Variants in MRTFB observed in about 807,000 individuals in gnomAD.
MRTFB encodes myocardin-related transcription factor B.
Under a neutral mutation model 104.2 loss-of-function variants are expected in MRTFB, and 29 were observed. The ratio of observed to expected loss-of-function variants is 0.28; its 90% CI spans 0.21 to 0.38. The LOEUF is 0.38. Ranked by LOEUF, MRTFB falls within the 10% of genes least tolerant of loss-of-function variation. The pLI is 1.00. For synonymous variants in MRTFB, 535 were observed against 519.5 expected (o/e 1.03, Z -0.41); for missense variants, 1,270 against 1,341.6 (o/e 0.95, Z 0.83).
chr16:14,172,666 CACAGCCTGGAGGAATAA>C (rs1175037690), intron 3 of MRTFB, among the ~76,000 whole-genome samples: 1 of 152,098 alleles, frequency 6.6e-6, no homozygotes, highest in Non-Finnish European at 1.5e-5. Context: ...TTTATTCCTC[CACAGCCTGGAGGAATAA>C]ACAGAAAGTG....
At chr16:14,147,409 T>G (rs574669792) in intron 3 of MRTFB, among the ~76,000 whole-genome samples, 6 of 152,348 alleles carry the variant, frequency 3.9e-5, no homozygotes, top group South Asian at 2.1e-4. Flanking sequence ...TGAGGTATTC[T>G]CTTTCATAAT....
At chr16:13,997,693 T>C in the MRTFB span, among the ~76,000 whole-genome samples, 2 of 145,074 alleles carry the variant, frequency 1.4e-5, no homozygotes, top group African/African-American at 5.2e-5. Context: ...CTTGGAAGGC[T>C]GAGATAGGGG....
intron 13 of MRTFB, among the ~76,000 whole-genome samples, chr16:14,250,318 T>C (rs1430856371): frequency 1.3e-5 from 2 of 152,242 alleles, no homozygotes; most frequent in South Asian, 2.1e-4. Context: ...ATTAGTGGTA[T>C]AGAACGTGTT....
the MRTFB span, among the ~76,000 whole-genome samples, chr16:14,054,028 C>T: frequency 1.3e-5 from 2 of 152,092 alleles, no homozygotes; most frequent in Non-Finnish European, 2.9e-5. Flanking sequence ...GAGAAACCTC[C>T]TTACTGTTTG....
the MRTFB span, among the ~76,000 whole-genome samples, chr16:14,046,912 T>A: frequency 6.6e-6 from 1 of 152,218 alleles, no homozygotes; most frequent in African/African-American, 2.4e-5. Context: ...TATTGACTCA[T>A]TTAATCCTTA....
chr16:14,128,427 G>C (rs1485971886), intron 2 of MRTFB, among the ~76,000 whole-genome samples: 1 of 152,160 alleles, frequency 6.6e-6, no homozygotes, highest in Non-Finnish European at 1.5e-5. Flanking sequence ...TTACTTTGAT[G>C]ACCTATGATG....
At chr16:14,087,972 T>C (rs2034824381) in intron 2 of MRTFB, among the ~76,000 whole-genome samples, 1 of 152,234 alleles carries the variant, frequency 6.6e-6, no homozygotes, top group Non-Finnish European at 1.5e-5. Context: ...GGTGAATGAA[T>C]GCTTTGTGCC....
intron 3 of MRTFB, among the ~76,000 whole-genome samples, chr16:14,197,289 T>G (rs1425544065): frequency 6.6e-6 from 1 of 152,200 alleles, no homozygotes; most frequent in African/African-American, 2.4e-5. Context: ...TTTCTCTTCT[T>G]TAATGCAGCT....
At chr16:14,074,913 G>T (rs1408743856) in intron 1 of MRTFB, among the ~76,000 whole-genome samples, 1 of 152,208 alleles carries the variant, frequency 6.6e-6, no homozygotes, top group Non-Finnish European at 1.5e-5. Flanking sequence ...GAAACAAACT[G>T]CTTGGTGAAT....
intron 1 of MRTFB, among the ~76,000 whole-genome samples, chr16:14,071,820 C>A (rs944543030): frequency 1.3e-5 from 2 of 152,216 alleles, no homozygotes; most frequent in Non-Finnish European, 2.9e-5. Context: ...CTTCCCACCT[C>A]CCACTCCCCT....
intron 3 of MRTFB, among the ~76,000 whole-genome samples, chr16:14,189,939 G>A (rs939970958): frequency 5.3e-5 from 8 of 152,140 alleles, no homozygotes; most frequent in Non-Finnish European, 1.0e-4. Flanking sequence ...ATTAGCAAAC[G>A]CTGTAGGATT....
At chr16:14,231,949 G>T (rs2042288217) in intron 8 of MRTFB, among the ~76,000 whole-genome samples, 1 of 152,196 alleles carries the variant, frequency 6.6e-6, no homozygotes, top group Non-Finnish European at 1.5e-5. Context: ...GGTTATTCTT[G>T]TGTTATGCTG....
chr16:14,129,158 T>C (rs1344141756), intron 2 of MRTFB, among the ~76,000 whole-genome samples: 1 of 152,238 alleles, frequency 6.6e-6, no homozygotes, highest in Non-Finnish European at 1.5e-5. Flanking sequence ...TTCCAATCCA[T>C]TTAGGTCATT....
At chr16:14,228,351 C>T (rs7202172) in intron 8 of MRTFB, among the ~76,000 whole-genome samples, 16,316 of 152,146 alleles carry the variant, frequency 0.11, 1,898 homozygotes, top group African/African-American at 0.29. Flanking sequence ...CCAAGTTGGG[C>T]GGATCACAAG....
intron 3 of MRTFB, among the ~76,000 whole-genome samples, chr16:14,173,664 C>T (rs890622037): frequency 2.7e-5 from 4 of 150,192 alleles, no homozygotes; most frequent in African/African-American, 1.0e-4. Flanking sequence ...TGTCTTGTGC[C>T]TCATTCTCTC....
intron 15 of MRTFB, among the ~76,000 whole-genome samples, chr16:14,252,877 A>G (rs181386932): frequency 6.6e-6 from 1 of 152,168 alleles, no homozygotes; most frequent in African/African-American, 2.4e-5. Flanking sequence ...GACACATGGT[A>G]TCACTGTTAC....
chr16:14,234,369 T>TC lies in MRTFB; in HGVS notation c.831+88dup, dbSNP rs2042404207. ...TGTGAATGGAAGACAAAGGCATTTATCCAACTTGCTCAGCCTGCCTTTTAG... is the reference window on the plus strand; with the variant it reads ...TGTGAATGGAAGACAAAGGCATTTATCCCAACTTGCTCAGCCTGCCTTTTAG... On this transcript the variant is annotated intron_variant, in intron 9 of 16. Transcript: ENST00000571589. The TC allele has an allele frequency of 2.0e-5, 29 of 1,460,916 alleles. No individual in the cohort carries two copies. The Middle Eastern group carries it at 2.2e-3, about 109-fold the overall frequency. The allele number at this position is 1,460,916 out of a possible 1,614,324, so 90.5% of individuals were successfully genotyped here.
rs1414303615 is a variant in MRTFB at position 14,215,264 on chromosome 16, TCTGTTCTCAAG to T, written c.352+1645_352+1655del. On this transcript the variant is annotated intron_variant, in intron 6 of 16. Transcript: ENST00000571589. ...AACCATAAGTGATGTTTTTAGGACA[TCTGTTCTCAAG>T]TTGGGAGTTTTGAAATAAGAAAGAA... Among the ~76,000 whole-genome samples, 5 of 152,226 alleles carry T rather than the reference TCTGTTCTCAAG, an allele frequency of 3.3e-5. No individual in the cohort carries two copies. In the South Asian group the frequency reaches 1.0e-3, roughly 32 times the overall value.
Position 14,245,514 on chromosome 16 carries a change from G to T in MRTFB, c.1080-14G>T, listed in dbSNP as rs1436368972. ...TATTTTATTATAAACTCTAATTTTT[G>T]TTTTCTTTTGAAGGCCACTCAATGA... is the stretch of plus-strand genomic sequence containing the variant. On this transcript the variant is annotated splice_polypyrimidine_tract_variant and intron_variant, in intron 10 of 16. Transcript: ENST00000571589. 6.3e-6 allele frequency: 10 copies of T among 1,592,510 alleles called. No individual in the cohort carries two copies. Among genetic ancestry groups the T allele is most frequent in the Non-Finnish European group, 7.7e-6 (9 of 1,173,968 alleles).
Sources: gnomAD v4.1 joint callset for allele counts (sites outside exome capture counted in the v4.1 genomes callset) on GRCh38, gnomAD v4.1.1 for gene constraint, MANE v1.5 for transcripts, NCBI Gene and HGNC (gene_info 2026-07-23, HGNC 2026-07-21) for gene names.